The following TRAPPC8 variants were observed in gnomAD, a reference collection of about 807,000 sequenced individuals.
TRAPPC8 encodes the protein general sporulation gene 1 homolog.
TRAPPC8 carries 54 observed loss-of-function variants against 174.3 expected under a neutral mutation model. The observed-to-expected ratio is 0.31, with a 90% CI of 0.25 to 0.39. The LOEUF is 0.39. Ranked by LOEUF, TRAPPC8 falls within the 10% of genes least tolerant of loss-of-function variation. The pLI is 1.00. For missense variants in TRAPPC8, 1,531 were observed against 1,699.1 expected (o/e 0.90, Z 1.74); for synonymous variants, 630 against 579.9 (o/e 1.09, Z -1.24).
intron 9 of TRAPPC8, among the ~76,000 whole-genome samples, chr18:31,905,074 C>T (rs1171823524): frequency 6.6e-6 from 1 of 150,946 alleles, no homozygotes; most frequent in Non-Finnish European, 1.5e-5. Flanking sequence ...ACTGGTTTTG[C>T]TGTGATATTT....
At chr18:31,911,749 T>A (rs1598726993) in intron 5 of TRAPPC8, among the ~76,000 whole-genome samples, 1 of 81,030 alleles carries the variant, frequency 1.2e-5, no homozygotes, top group Non-Finnish European at 2.1e-5. Flanking sequence ...AGAGTAAGAC[T>A]CCGTCTCAAA....
chr18:31,853,501 C>T (rs1022961369), intron 22 of TRAPPC8, among the ~76,000 whole-genome samples: 1 of 152,160 alleles, frequency 6.6e-6, no homozygotes, highest in Non-Finnish European at 1.5e-5. Flanking sequence ...CTGCTGACCT[C>T]AAGTGATCCG....
At chr18:31,904,033 T>C (rs1251625567) in intron 9 of TRAPPC8, among the ~76,000 whole-genome samples, 1 of 152,080 alleles carries the variant, frequency 6.6e-6, no homozygotes, top group Non-Finnish European at 1.5e-5. Flanking sequence ...CTCAGGAGTT[T>C]AAGACAATCC....
chr18:31,921,549 G>T (rs2037389159), intron 2 of TRAPPC8, among the ~76,000 whole-genome samples: 1 of 151,404 alleles, frequency 6.6e-6, no homozygotes, highest in Non-Finnish European at 1.5e-5. Context: ...TCGGGAGGTG[G>T]AGGTTGCAGT....
chr18:31,829,697 GGCACAA>G lies in TRAPPC8; in HGVS notation c.*1052_*1057del, dbSNP rs2032248452. ...GGAACAAACCATGGTAGCTGTCAAT[GGCACAA>G]GGACCCCATCTGCTCCAGACTTGAC... is the stretch of plus-strand genomic sequence containing the variant. On this transcript the variant is annotated 3_prime_UTR_variant, in exon 29 of 29. Coordinates refer to ENST00000283351, the MANE Select transcript of TRAPPC8 (RefSeq NM_014939.5). 1 of 152,254 alleles carries G rather than the reference GGCACAA, an allele frequency of 6.6e-6. No homozygotes were observed. The highest frequency in any genetic ancestry group is 1.5e-5 in the Non-Finnish European group (1 of 68,102). 9.4% of individuals were successfully genotyped at this position (152,254 alleles called of 1,614,324 possible). A position where few individuals can be genotyped will look rare whatever the true frequency, so the allele number is the denominator to read the frequency against.
At chr18:31,938,113 A>C (rs1427575263) in intron 1 of TRAPPC8, among the ~76,000 whole-genome samples, 1 of 152,194 alleles carries the variant, frequency 6.6e-6, no homozygotes, top group Non-Finnish European at 1.5e-5. Flanking sequence ...GAACATCTAA[A>C]TGATATATTG....
intron 27 of TRAPPC8, among the ~76,000 whole-genome samples, chr18:31,835,791 A>G (rs1646133185): frequency 6.6e-6 from 1 of 152,216 alleles, no homozygotes; most frequent in Non-Finnish European, 1.5e-5. Context: ...TATTTGGTCA[A>G]TGAAATATTA....
At chr18:31,854,005 G>T in intron 21 of TRAPPC8, 60 bp from the exon 22 acceptor site, 1 of 1,327,898 alleles carries the variant, frequency 7.5e-7, no homozygotes, top group South Asian at 1.3e-5. Flanking sequence ...AGAATGTTCC[G>T]ATGAGAATAA....
At chr18:31,916,164 C>A in intron 4 of TRAPPC8, 108 bp downstream of exon 4, 9 of 781,724 alleles carry the variant, frequency 1.2e-5, no homozygotes, top group Admixed American at 4.2e-5. Flanking sequence ...TCACATTAAA[C>A]TTTTACATTC....
At chr18:31,926,960 TAGAC>T (rs1483792075) in intron 2 of TRAPPC8, among the ~76,000 whole-genome samples, 1 of 152,146 alleles carries the variant, frequency 6.6e-6, no homozygotes, top group Non-Finnish European at 1.5e-5. Flanking sequence ...TATTACGCCA[TAGAC>T]AGCCATATAA....
chr18:31,879,794 G>A (rs1003257991), intron 12 of TRAPPC8, among the ~76,000 whole-genome samples: 2 of 151,680 alleles, frequency 1.3e-5, no homozygotes, highest in African/African-American at 4.8e-5. Flanking sequence ...CATCACAACT[G>A]ATACCACAGA....
At chr18:31,900,854 G>GC in intron 10 of TRAPPC8, 71 bp downstream of exon 10, 273 of 1,152,980 alleles carry the variant, frequency 2.4e-4, no homozygotes, top group South Asian at 2.1e-3. Context: ...GTTTAGGAAT[G>GC]GGGAAAAAAA....
At position 31,867,524 on chromosome 18, in the gene TRAPPC8, A is replaced by C; in HGVS notation, c.2389-48T>G. On this transcript the variant is annotated intron_variant, in intron 16 of 28. Coordinates refer to ENST00000283351, the MANE Select transcript of TRAPPC8 (RefSeq NM_014939.5). ...TATACATTCCAATGAACAAAGTATCAGATTATTAACACTCCTATATATCAA... is the reference window on the plus strand; with the variant it reads ...TATACATTCCAATGAACAAAGTATCCGATTATTAACACTCCTATATATCAA... 3.1e-6 allele frequency: 4 copies of C among 1,278,560 alleles called. No homozygotes were observed. In the South Asian group the frequency reaches 5.0e-5, roughly 16 times the overall value. The allele number at this position is 1,278,560 out of a possible 1,614,324, so 79.2% of individuals were successfully genotyped here.
intron 4 of TRAPPC8, among the ~76,000 whole-genome samples, chr18:31,915,331 T>C (rs1390326645): frequency 2.6e-5 from 4 of 151,554 alleles, no homozygotes; most frequent in Admixed American, 2.6e-4. Flanking sequence ...CGTAGTGTCA[T>C]GTGCCTGTAA....
chr18:31,907,397 G>C (rs1470652781), intron 9 of TRAPPC8, 63 bp downstream of exon 9: 20 of 1,463,764 alleles, frequency 1.4e-5, no homozygotes, highest in South Asian at 5.9e-5. Context: ...TTGCCACCAA[G>C]AGAAATTTCT....
At chr18:31,909,841 G>C in intron 5 of TRAPPC8, 81 bp from the exon 6 acceptor site, 2 of 937,162 alleles carry the variant, frequency 2.1e-6, no homozygotes, top group South Asian at 2.0e-5. Context: ...AACAACTATG[G>C]TTACTCTGCT....
At chr18:31,928,515 C>A (rs2037721240) in intron 2 of TRAPPC8, among the ~76,000 whole-genome samples, 1 of 151,784 alleles carries the variant, frequency 6.6e-6, no homozygotes, top group Admixed American at 6.6e-5. Flanking sequence ...TAGAGTAAGA[C>A]CCTGTCTCTT....
intron 19 of TRAPPC8, among the ~76,000 whole-genome samples, chr18:31,861,766 T>C (rs533573983): frequency 5.9e-5 from 9 of 151,662 alleles, no homozygotes; most frequent in East Asian, 1.9e-4. Context: ...GTGAAACCAG[T>C]CCCTACAAAA....
intron 5 of TRAPPC8, among the ~76,000 whole-genome samples, chr18:31,912,211 C>G (rs1287148918): frequency 6.6e-6 from 1 of 152,110 alleles, no homozygotes; most frequent in Non-Finnish European, 1.5e-5. Context: ...ACGAAAGAGG[C>G]TGGGCATGAT....
Sources: gnomAD v4.1 joint callset for allele counts (sites outside exome capture counted in the v4.1 genomes callset) on GRCh38, gnomAD v4.1.1 for gene constraint, MANE v1.5 for transcripts, NCBI Gene and HGNC (gene_info 2026-07-23, HGNC 2026-07-21) for gene names.